The following CTNNBIP1 variants were observed in gnomAD, a reference collection of about 807,000 sequenced individuals.
CTNNBIP1 encodes the protein beta-catenin-interacting protein 1.
A neutral mutation model predicts 11.8 loss-of-function variants in CTNNBIP1; 7 were observed. The ratio of observed to expected loss-of-function variants is 0.60; its 90% CI spans 0.34 to 1.12. The LOEUF is 1.12. Among genes scored for constraint, CTNNBIP1 ranks in the 50% most tolerant of loss-of-function variants. The probability of loss-of-function intolerance (pLI) is 0.03; values close to 1 mark genes in which losing one functional copy is unlikely to be tolerated. For missense variants in CTNNBIP1, 101 were observed against 113.4 expected (o/e 0.89, Z 0.50); for synonymous variants, 58 against 43.9 (o/e 1.32, Z -1.26).
chr1:9,850,659 G>T lies in CTNNBIP1; in HGVS notation c.*59C>A, dbSNP rs1423664561. The T allele has an allele frequency of 7.8e-6, 12 of 1,537,404 alleles. No homozygotes were observed. Among genetic ancestry groups the T allele is most frequent in the Non-Finnish European group, 1.1e-5 (12 of 1,110,564 alleles). On this transcript the variant is annotated 3_prime_UTR_variant, in exon 6 of 6. Coordinates refer to ENST00000377263, the MANE Select transcript of CTNNBIP1 (RefSeq NM_020248.3). ...GGGCTGCTGCCACTCAGCCGGCCCA[G>T]GAGCCACACAGATCTCTTGGCCCTC... is the stretch of plus-strand genomic sequence containing the variant.
intron 1 of CTNNBIP1, among the ~76,000 whole-genome samples, chr1:9,884,380 G>A (rs551678568): frequency 6.6e-6 from 1 of 152,256 alleles, no homozygotes; most frequent in East Asian, 1.9e-4. Flanking sequence ...GCTCAAGGGA[G>A]GAGGGAAGAC....
At chr1:9,909,267 C>G (rs966225467) in intron 1 of CTNNBIP1, among the ~76,000 whole-genome samples, 18 of 152,204 alleles carry the variant, frequency 1.2e-4, no homozygotes, top group African/African-American at 4.1e-4. Context: ...CAAAATAATT[C>G]ACAGCTGGAG....
rs143358934 is a variant in CTNNBIP1, at chr1:9,881,842, G to A, written c.-110+1863C>T. ...GTACACACAGCCCTGAACCAGGCTT[G>A]GGGAGCACAAGGTACAGAACTGGGG... On this transcript the variant is annotated intron_variant, in intron 2 of 5. Transcript: ENST00000377263. Among the ~76,000 whole-genome samples the A allele has an allele frequency of 7.9e-4, 121 of 152,294 alleles. 1 individual carries two copies. Among genetic ancestry groups the A allele is most frequent in the Non-Finnish European group, 1.8e-4 (12 of 68,026 alleles).
Position 9,868,245 on chromosome 1 carries a change from G to A in CTNNBIP1, c.187+2942C>T, listed in dbSNP as rs991821682. ...CCACCTATTCCGCAACGATTCCCTG[G>A]GGTCTTCCCTGGCTCCAGCTTCAGC... On this transcript the variant is annotated intron_variant, in intron 5 of 5. Coordinates refer to ENST00000377263, the MANE Select transcript of CTNNBIP1 (RefSeq NM_020248.3). Among the ~76,000 whole-genome samples, 31 of 152,112 alleles carry A rather than the reference G, an allele frequency of 2.0e-4. 1 individual carries two copies.
chr1:9,862,710 C>T (rs1401802517), intron 5 of CTNNBIP1, among the ~76,000 whole-genome samples: 1 of 152,222 alleles, frequency 6.6e-6, no homozygotes, highest in Non-Finnish European at 1.5e-5. Context: ...TCCAAGGCCC[C>T]GTGCAAACAG....
chr1:9,876,198 A>G (rs1386340410), intron 3 of CTNNBIP1, among the ~76,000 whole-genome samples: 2 of 152,244 alleles, frequency 1.3e-5, no homozygotes, highest in African/African-American at 4.8e-5. Context: ...GATGGTTCTC[A>G]ATTATGGTCT....
intron 1 of CTNNBIP1, among the ~76,000 whole-genome samples, chr1:9,891,445 C>T (rs537403793): frequency 8.7e-4 from 132 of 152,286 alleles, no homozygotes; most frequent in African/African-American, 3.0e-3. Flanking sequence ...TGCTGCATCC[C>T]CTCAGAATCC....
chr1:9,869,154 C>T (rs1158063580), intron 5 of CTNNBIP1, among the ~76,000 whole-genome samples: 1 of 151,732 alleles, frequency 6.6e-6, no homozygotes, highest in Non-Finnish European at 1.5e-5. Context: ...CGTGTGCCAC[C>T]ACAGCCAGCT....
chr1:9,872,203 C>T lies in CTNNBIP1; in HGVS notation c.-24-115G>A, dbSNP rs1638878021. ...AGGAGCCGCTTTCCACCCACAGTCTCCCTTCTGGGAGCATGGGGCAGGTGG... is the reference window on the plus strand; with the variant it reads ...AGGAGCCGCTTTCCACCCACAGTCTTCCTTCTGGGAGCATGGGGCAGGTGG... On this transcript the variant is annotated intron_variant, in intron 3 of 5. Coordinates refer to ENST00000377263, the MANE Select transcript of CTNNBIP1 (RefSeq NM_020248.3). The surrounding 1 kb of genome is among the most constrained non-coding windows in gnomAD (Gnocchi z 4.0). 1.5e-6 allele frequency: 1 copy of T among 683,878 alleles called. No individual in the cohort carries two copies. Among genetic ancestry groups the T allele is most frequent in the Admixed American group, 2.2e-5 (1 of 44,944 alleles). 42.4% of individuals were successfully genotyped at this position (683,878 alleles called of 1,614,324 possible). A position where few individuals can be genotyped will look rare whatever the true frequency, so the allele number is the denominator to read the frequency against.
chr1:9,856,896 G>A (rs541956843), intron 5 of CTNNBIP1, among the ~76,000 whole-genome samples: 2 of 151,834 alleles, frequency 1.3e-5, no homozygotes, highest in East Asian at 3.9e-4. Context: ...GGCCGAGATG[G>A]GGGATCACCT....
In CTNNBIP1 at chr1:9,851,389, G is replaced by C. The variant is rs1638382409; in HGVS notation, c.188-613C>G. 6.6e-6 allele frequency among the ~76,000 whole-genome samples: 1 copy of C among 151,550 alleles called. No individual in the cohort carries two copies. Among genetic ancestry groups the C allele is most frequent in the Non-Finnish European group, 1.5e-5 (1 of 67,944 alleles). ...CTTTTTCTTTCTTTTTTTTGTGTGTGATATGGAGTCTTGCTCTATCACCCA... is the reference window on the plus strand; with the variant it reads ...CTTTTTCTTTCTTTTTTTTGTGTGTCATATGGAGTCTTGCTCTATCACCCA... On this transcript the variant is annotated intron_variant, in intron 5 of 5. Transcript: ENST00000377263. The surrounding 1 kb of genome is among the most constrained non-coding windows in gnomAD (Gnocchi z 4.8).
chr1:9,868,388 C>T (rs1207737534), intron 5 of CTNNBIP1, among the ~76,000 whole-genome samples: 2 of 152,234 alleles, frequency 1.3e-5, no homozygotes, highest in Non-Finnish European at 2.9e-5. Context: ...TCCTACTGCT[C>T]AGCAGTTTCA....
In CTNNBIP1 at chr1:9,871,913, C is replaced by T; in HGVS notation, c.96+56G>A. The T allele has an allele frequency of 1.4e-6, 2 of 1,481,234 alleles. No homozygotes were observed. Among genetic ancestry groups the T allele is most frequent in the Non-Finnish European group, 1.9e-6 (2 of 1,060,228 alleles). The allele number at this position is 1,481,234 out of a possible 1,614,324, so 91.8% of individuals were successfully genotyped here. On this transcript the variant is annotated intron_variant, in intron 4 of 5. Transcript: ENST00000377263. The surrounding 1 kb of genome is among the most constrained non-coding windows in gnomAD (Gnocchi z 5.2). Reference sequence around the variant, plus strand: ...CACCCTCCAATAGCCCAGCAGGGCCCCTCCCTGGGAGACCCTCCCTGGGGG... The same window carrying T: ...CACCCTCCAATAGCCCAGCAGGGCCTCTCCCTGGGAGACCCTCCCTGGGGG...
intron 2 of CTNNBIP1, among the ~76,000 whole-genome samples, chr1:9,882,648 C>A (rs1053822943): frequency 4.6e-5 from 7 of 152,120 alleles, no homozygotes; most frequent in Non-Finnish European, 1.0e-4. Context: ...TGGGGTGGAG[C>A]AGCAGGAAGC....
At position 9,849,863 on chromosome 1, in the gene CTNNBIP1, C is replaced by G. The variant is rs889125631; in HGVS notation, c.*855G>C. The G allele has an allele frequency of 2.0e-5, 3 of 152,194 alleles. No individual in the cohort carries two copies. Among genetic ancestry groups the G allele is most frequent in the Non-Finnish European group, 4.4e-5 (3 of 68,070 alleles). 9.4% of individuals were successfully genotyped at this position (152,194 alleles called of 1,614,324 possible). ...GGTTACCTCTAGGCCCTGGGCTGCT[C>G]GTTCAAGACGACACAAAGCTCCTCA... On this transcript the variant is annotated 3_prime_UTR_variant, in exon 6 of 6. Transcript: ENST00000377263.
intron 3 of CTNNBIP1, among the ~76,000 whole-genome samples, chr1:9,875,513 G>C (rs1638950020): frequency 1.3e-5 from 2 of 152,346 alleles, no homozygotes; most frequent in South Asian, 4.1e-4. Context: ...CCGTCCCGGG[G>C]ACACCTCACA....
intron 5 of CTNNBIP1, among the ~76,000 whole-genome samples, chr1:9,853,177 C>T (rs554324978): frequency 2.6e-5 from 4 of 152,330 alleles, no homozygotes; most frequent in African/African-American, 4.8e-5. Context: ...TGAGGAGCTG[C>T]GGCCTGTCTG....
intron 5 of CTNNBIP1, among the ~76,000 whole-genome samples, chr1:9,859,159 C>T (rs2101446077): frequency 6.6e-6 from 1 of 152,326 alleles, no homozygotes; most frequent in Non-Finnish European, 1.5e-5. Context: ...TGCTCCCTAT[C>T]TCTGCCTACT....
At chr1:9,852,483 C>T (rs1486379788) in intron 5 of CTNNBIP1, among the ~76,000 whole-genome samples, 1 of 152,196 alleles carries the variant, frequency 6.6e-6, no homozygotes, top group Non-Finnish European at 1.5e-5. Context: ...GGGGCACCCT[C>T]GCTTGGGAAG....
Sources: allele counts gnomAD v4.1 joint callset (sites outside exome capture counted in the v4.1 genomes callset), GRCh38; gene constraint gnomAD v4.1.1; non-coding constraint Gnocchi (gnomAD v3.1); transcripts MANE v1.5; gene names NCBI Gene and HGNC (gene_info 2026-07-23, HGNC 2026-07-21).